The following AGBL4 variants were observed in gnomAD, a reference collection of about 807,000 sequenced individuals.
The protein encoded by AGBL4 is cytosolic carboxypeptidase 6.
A neutral mutation model predicts 66.4 loss-of-function variants in AGBL4; 58 were observed. The observed-to-expected ratio is 0.87, with a 90% CI of 0.71 to 1.09. AGBL4 has a LOEUF of 1.09. AGBL4 is among the 50% of genes least tolerant of loss of function. The pLI is 0.00. For missense variants in AGBL4, 579 were observed against 631.0 expected (o/e 0.92, Z 0.88); for synonymous variants, 234 against 222.9 (o/e 1.05, Z -0.44).
chr1:49,840,591 G>A (rs1014847283), intron 2 of AGBL4, among the ~76,000 whole-genome samples: 6 of 151,978 alleles, frequency 3.9e-5, no homozygotes, highest in Non-Finnish European at 5.9e-5. Context: ...GGTCAATATC[G>A]CCAATGAATG....
chr1:49,694,796 T>C (rs1035445395), intron 3 of AGBL4, among the ~76,000 whole-genome samples: 2 of 152,076 alleles, frequency 1.3e-5, no homozygotes, highest in African/African-American at 4.8e-5. Flanking sequence ...GCAAAGAACA[T>C]TGTGTGAGAA....
intron 2 of AGBL4, among the ~76,000 whole-genome samples, chr1:49,783,549 C>G (rs1031452978): frequency 3.9e-5 from 6 of 152,124 alleles, no homozygotes; most frequent in Non-Finnish European, 7.4e-5. Flanking sequence ...TAATATCATA[C>G]TTAATAGTGA....
intron 6 of AGBL4, among the ~76,000 whole-genome samples, chr1:48,768,622 G>A (rs1195857375): frequency 1.3e-5 from 2 of 152,112 alleles, no homozygotes; most frequent in Admixed American, 6.5e-5. Flanking sequence ...TATTAAAATG[G>A]GAGAAATTTT....
intron 3 of AGBL4, among the ~76,000 whole-genome samples, chr1:49,536,469 T>G (rs1255563753): frequency 6.6e-6 from 1 of 152,158 alleles, no homozygotes. Context: ...ATTAGTAACA[T>G]TAGCTTTAAC....
In AGBL4 at chr1:48,789,278, A is replaced by G. The variant is rs1570677093; in HGVS notation, c.634+77913T>C. 2.8e-5 allele frequency among the ~76,000 whole-genome samples: 3 copies of G among 105,510 alleles called. 1 individual carries two copies. Among genetic ancestry groups the G allele is most frequent in the Admixed American group, 2.8e-4 (3 of 10,682 alleles). 69.2% of individuals were successfully genotyped at this position (105,510 alleles called of 152,430 possible). On this transcript the variant is annotated intron_variant, in intron 6 of 13. Coordinates refer to ENST00000371839, the MANE Select transcript of AGBL4 (RefSeq NM_032785.4). Reference sequence around the variant, plus strand: ...AGGCTGTACTATTCTTGCTGCGTGGATATATATATATATATATTTTTTTTT... The same window carrying G: ...AGGCTGTACTATTCTTGCTGCGTGGGTATATATATATATATATTTTTTTTT...
chr1:49,922,879 C>T (rs753864137), intron 1 of AGBL4, among the ~76,000 whole-genome samples: 2 of 152,110 alleles, frequency 1.3e-5, no homozygotes, highest in Non-Finnish European at 2.9e-5. Flanking sequence ...TTTAAAATGG[C>T]AATACTGCCC....
At chr1:49,118,125 A>G (rs191738482) in intron 4 of AGBL4, among the ~76,000 whole-genome samples, 19 of 152,258 alleles carry the variant, frequency 1.2e-4, no homozygotes, top group African/African-American at 3.8e-4. Flanking sequence ...GGCTGAGACG[A>G]TGGGGTTTTC....
intron 2 of AGBL4, among the ~76,000 whole-genome samples, chr1:49,774,617 T>C (rs2147891037): frequency 6.6e-6 from 1 of 152,370 alleles, no homozygotes; most frequent in East Asian, 1.9e-4. Flanking sequence ...TGATTCTATC[T>C]TAATTGAAAA....
At chr1:49,162,399 A>T (rs1436012680) in intron 4 of AGBL4, among the ~76,000 whole-genome samples, 1 of 152,228 alleles carries the variant, frequency 6.6e-6, no homozygotes. Context: ...TCATATATGA[A>T]TCACATGACA....
At chr1:49,784,482 C>A (rs1326754608) in intron 2 of AGBL4, among the ~76,000 whole-genome samples, 1 of 152,004 alleles carries the variant, frequency 6.6e-6, no homozygotes, top group Non-Finnish European at 1.5e-5. Context: ...AGTTAGACCC[C>A]TTTCTCAAAC....
At chr1:49,602,784 C>T (rs891191974) in intron 3 of AGBL4, among the ~76,000 whole-genome samples, 2 of 151,164 alleles carry the variant, frequency 1.3e-5, no homozygotes, top group South Asian at 2.1e-4. Flanking sequence ...TGTAACAAAC[C>T]TCCACGTTCT....
chr1:48,817,407 G>A (rs1408079944), intron 6 of AGBL4: 2 of 152,178 alleles, frequency 1.3e-5, no homozygotes, highest in Non-Finnish European at 2.9e-5. Flanking sequence ...GCCCAAGTGT[G>A]AACTTGGGAA....
At chr1:48,893,219 C>T (rs1021648130) in intron 5 of AGBL4, among the ~76,000 whole-genome samples, 2 of 152,098 alleles carry the variant, frequency 1.3e-5, no homozygotes, top group African/African-American at 4.8e-5. Flanking sequence ...AGAGAATCTA[C>T]CAACCTAAAA....
chr1:49,146,161 C>A (rs1413664863), intron 4 of AGBL4, among the ~76,000 whole-genome samples: 2 of 152,026 alleles, frequency 1.3e-5, no homozygotes, highest in African/African-American at 4.8e-5. Flanking sequence ...GTACAAAAAA[C>A]AAATTGAATA....
At chr1:48,945,635 TACTC>T (rs1478742660) in intron 5 of AGBL4, among the ~76,000 whole-genome samples, 1 of 152,158 alleles carries the variant, frequency 6.6e-6, no homozygotes, top group Non-Finnish European at 1.5e-5. Context: ...ACCTGGTAAA[TACTC>T]AGTTAGAAGG....
intron 4 of AGBL4, among the ~76,000 whole-genome samples, chr1:49,100,957 G>C (rs1182809053): frequency 6.6e-6 from 1 of 152,104 alleles, no homozygotes; most frequent in East Asian, 1.9e-4. Context: ...TCAGTAAATG[G>C]TAGGGCGGAC....
At chr1:49,633,149 A>G (rs560689729) in intron 3 of AGBL4, among the ~76,000 whole-genome samples, 2 of 152,252 alleles carry the variant, frequency 1.3e-5, no homozygotes, top group East Asian at 3.9e-4. Flanking sequence ...ACAGATCTAC[A>G]CTAGCCCAGA....
chr1:49,513,405 A>T (rs75544898), intron 3 of AGBL4, among the ~76,000 whole-genome samples: 1 of 151,986 alleles, frequency 6.6e-6, no homozygotes, highest in African/African-American at 2.4e-5. Context: ...GTAGTTTTTT[A>T]ACCTATCCCA....
At chr1:48,690,722 A>G (rs1268934295) in intron 6 of AGBL4, among the ~76,000 whole-genome samples, 1 of 152,216 alleles carries the variant, frequency 6.6e-6, no homozygotes, top group African/African-American at 2.4e-5. Flanking sequence ...TATCCTAGTC[A>G]GGTAGGAGAG....
Sources: allele counts gnomAD v4.1 joint callset (sites outside exome capture counted in the v4.1 genomes callset), GRCh38; gene constraint gnomAD v4.1.1; transcripts MANE v1.5; gene names NCBI Gene and HGNC (gene_info 2026-07-23, HGNC 2026-07-21).